Variants in NKAIN2 observed in about 807,000 individuals in gnomAD.
NKAIN2 encodes the protein sodium/potassium transporting ATPase interacting 2.
In NKAIN2, 14 loss-of-function variants were observed where a neutral mutation model predicts 32.6. The observed-to-expected ratio is 0.43, with a 90% confidence interval of 0.28 to 0.67. NKAIN2 has a LOEUF of 0.67. Ranked by LOEUF, NKAIN2 falls within the 30% of genes least tolerant of loss-of-function variation. The pLI, the probability that NKAIN2 is intolerant of heterozygous loss-of-function variation, is 0.17. For missense variants in NKAIN2, 198 were observed against 258.3 expected (o/e 0.77, Z 1.60); for synonymous variants, 80 against 87.2 (o/e 0.92, Z 0.46).
chr6:124,195,066 C>G (rs1169295304), intron 1 of NKAIN2, among the ~76,000 whole-genome samples: 2 of 143,516 alleles, frequency 1.4e-5, no homozygotes, highest in Non-Finnish European at 3.0e-5. Flanking sequence ...GTGTTCTATT[C>G]TGAAATAATA....
At chr6:124,022,848 G>A (rs1025321505) in intron 1 of NKAIN2, among the ~76,000 whole-genome samples, 1 of 151,954 alleles carries the variant, frequency 6.6e-6, no homozygotes, top group Admixed American at 6.6e-5. Context: ...GAATTCCTGG[G>A]AGCAATGGGG....
At chr6:123,895,255 C>T (rs1774226413) in intron 1 of NKAIN2, among the ~76,000 whole-genome samples, 1 of 151,692 alleles carries the variant, frequency 6.6e-6, no homozygotes, top group East Asian at 1.9e-4. Context: ...ACAGCAGCAG[C>T]AGCAGCAGCA....
At chr6:124,800,967 A>T (rs1370617199) in intron 5 of NKAIN2, among the ~76,000 whole-genome samples, 1 of 152,190 alleles carries the variant, frequency 6.6e-6, no homozygotes, top group Non-Finnish European at 1.5e-5. Flanking sequence ...AATGAAGCTG[A>T]TGTTGAATTC....
At chr6:124,116,156 C>T (rs1483362907) in intron 1 of NKAIN2, among the ~76,000 whole-genome samples, 1 of 152,056 alleles carries the variant, frequency 6.6e-6, no homozygotes, top group Admixed American at 6.6e-5. Context: ...TCATTTGCTT[C>T]ACTGATGCCA....
At chr6:124,344,807 A>T (rs995904420) in intron 2 of NKAIN2, among the ~76,000 whole-genome samples, 1 of 152,128 alleles carries the variant, frequency 6.6e-6, no homozygotes, top group Non-Finnish European at 1.5e-5. Context: ...CTCTTTTCCT[A>T]ACTGAATACC....
intron 1 of NKAIN2, among the ~76,000 whole-genome samples, chr6:123,894,141 G>GT (rs890312940): frequency 1.7e-4 from 26 of 151,792 alleles, no homozygotes; most frequent in African/African-American, 3.4e-4. Flanking sequence ...ATTTTTTTCA[G>GT]TTTTTTTATG....
At chr6:124,240,676 C>T (rs941759445) in intron 1 of NKAIN2, among the ~76,000 whole-genome samples, 5 of 151,952 alleles carry the variant, frequency 3.3e-5, no homozygotes, top group African/African-American at 1.2e-4. Context: ...GCAGAAAAGG[C>T]CTTCAAAAAA....
chr6:124,818,556 T>C, intron 6 of NKAIN2, 88 bp downstream of exon 6: 1 of 546,960 alleles, frequency 1.8e-6, no homozygotes, highest in Non-Finnish European at 3.3e-6. Context: ...GGCATGCAGC[T>C]TTTGTTCAGT....
chr6:124,399,081 C>G (rs370265926), intron 3 of NKAIN2, among the ~76,000 whole-genome samples: 2 of 152,062 alleles, frequency 1.3e-5, no homozygotes, highest in African/African-American at 4.8e-5. Flanking sequence ...CACGCACCCC[C>G]ACACCTGACT....
At chr6:124,699,793 C>T (rs1163533258) in intron 4 of NKAIN2, among the ~76,000 whole-genome samples, 1 of 152,074 alleles carries the variant, frequency 6.6e-6, no homozygotes, top group Admixed American at 6.6e-5. Context: ...TTATAAATTA[C>T]CCAGTTTCAG....
At chr6:124,210,614 TAC>T (rs372621235) in intron 1 of NKAIN2, among the ~76,000 whole-genome samples, 38 of 152,026 alleles carry the variant, frequency 2.5e-4, no homozygotes, top group African/African-American at 8.4e-4. Flanking sequence ...ATCAATATTT[TAC>T]AGTTTTCATT....
At chr6:123,877,576 T>C (rs1773226123) in intron 1 of NKAIN2, among the ~76,000 whole-genome samples, 1 of 152,230 alleles carries the variant, frequency 6.6e-6, no homozygotes, top group Non-Finnish European at 1.5e-5. Context: ...CCATGCACTC[T>C]AGGTAATGAT....
chr6:124,010,676 G>C (rs972194859), intron 1 of NKAIN2, among the ~76,000 whole-genome samples: 1 of 151,822 alleles, frequency 6.6e-6, no homozygotes, highest in Admixed American at 6.6e-5. Context: ...TATGCAGTGT[G>C]GGCTTTTGAA....
chr6:124,407,951 G>A (rs1208788289), intron 3 of NKAIN2, among the ~76,000 whole-genome samples: 3 of 151,694 alleles, frequency 2.0e-5, no homozygotes, highest in Non-Finnish European at 2.9e-5. Context: ...GGCCAGTGAT[G>A]ATGAGCATTT....
At chr6:124,737,555 A>C (rs916987526) in intron 4 of NKAIN2, among the ~76,000 whole-genome samples, 3 of 152,028 alleles carry the variant, frequency 2.0e-5, no homozygotes. Context: ...ATGTGGAAGC[A>C]GCTTTGGAAC....
At chr6:124,401,788 T>C (rs986734349) in intron 3 of NKAIN2, among the ~76,000 whole-genome samples, 1 of 152,198 alleles carries the variant, frequency 6.6e-6, no homozygotes, top group Non-Finnish European at 1.5e-5. Context: ...ATTCAGTGCT[T>C]TATAAAATCT....
At chr6:124,325,670 A>C (rs1797381815) in intron 2 of NKAIN2, among the ~76,000 whole-genome samples, 1 of 152,124 alleles carries the variant, frequency 6.6e-6, no homozygotes, top group Admixed American at 6.5e-5. Context: ...ATCTATATGA[A>C]GTTCTAGCAA....
chr6:124,410,518 C>G (rs1774110197), intron 3 of NKAIN2, among the ~76,000 whole-genome samples: 5 of 152,174 alleles, frequency 3.3e-5, no homozygotes, highest in Admixed American at 6.5e-5. Context: ...GAGTGAGTTT[C>G]TTAATCCTGA....
At chr6:124,726,134 G>A (rs920427847) in intron 4 of NKAIN2, among the ~76,000 whole-genome samples, 1 of 152,218 alleles carries the variant, frequency 6.6e-6, no homozygotes, top group Non-Finnish European at 1.5e-5. Context: ...CTGGGGGAGG[G>A]GCGCCCACCA....
Sources: gnomAD v4.1 joint callset for allele counts (sites outside exome capture counted in the v4.1 genomes callset) on GRCh38, gnomAD v4.1.1 for gene constraint, MANE v1.5 for transcripts, NCBI Gene and HGNC (gene_info 2026-07-23, HGNC 2026-07-21) for gene names.